EFHD1: variants seen among roughly 807,000 people sequenced by gnomAD.
The protein encoded by EFHD1 is EF-hand domain-containing protein D1.
Under a neutral mutation model 17.2 loss-of-function variants are expected in EFHD1, and 10 were observed. That is an observed-to-expected ratio of 0.58 (90% CI 0.36 to 0.99). The LOEUF (loss-of-function observed/expected upper bound fraction) is 0.99. EFHD1 is among the 50% of genes least tolerant of loss of function. EFHD1 has a pLI of 0.01. For missense variants in EFHD1, 310 were observed against 327.5 expected, an observed-to-expected ratio of 0.95 and a Z score of 0.41; for synonymous variants, 153 against 142.0, an observed-to-expected ratio of 1.08 and a Z score of -0.55.
intron 1 of EFHD1, among the ~76,000 whole-genome samples, chr2:232,636,365 C>T (rs1038094294): frequency 6.6e-6 from 1 of 152,144 alleles, no homozygotes; most frequent in African/African-American, 2.4e-5. Flanking sequence ...CATCAGTTTT[C>T]CCTTCTGTCA....
At chr2:232,660,039 C>T (rs575012783) in intron 1 of EFHD1, among the ~76,000 whole-genome samples, 1 of 152,088 alleles carries the variant, frequency 6.6e-6, no homozygotes, top group Non-Finnish European at 1.5e-5. Context: ...ATGATCCAAC[C>T]GCCTCCCACT....
At chr2:232,627,037 T>TCTCTCTCC (rs1559340007) in intron 1 of EFHD1, among the ~76,000 whole-genome samples, 18 of 104,070 alleles carry the variant, frequency 1.7e-4, no homozygotes, top group Non-Finnish European at 2.1e-4. Context: ...TCTCTCTCTC[T>TCTCTCTCC]ATATATATAT....
intron 1 of EFHD1, among the ~76,000 whole-genome samples, chr2:232,657,184 T>A (rs1488290152): frequency 6.6e-6 from 1 of 152,186 alleles, no homozygotes; most frequent in African/African-American, 2.4e-5. Context: ...GTCTTCACCC[T>A]CCTAAACTGA....
chr2:232,672,382 T>A lies in EFHD1; in HGVS notation c.524T>A (p.Leu175His). The change falls in exon 3 of 4, where the codon CTT becomes CAT. Residue 175 changes from leucine (L) to histidine (H), a missense_variant. Transcript: ENST00000264059. ...AGTGGGCTGATGGCGCTGGCAAAGC[T>A]TTCTGAGATCGATGTGGCCCTGGAG... is the stretch of plus-strand genomic sequence containing the variant. ...EDSGLMALAK[L>H]SEIDVALEGV... 1 of 1,614,086 alleles carries A rather than the reference T, an allele frequency of 6.2e-7. No homozygotes were observed. Among genetic ancestry groups the A allele is most frequent in the Non-Finnish European group, 8.5e-7 (1 of 1,179,974 alleles).
intron 1 of EFHD1, among the ~76,000 whole-genome samples, chr2:232,619,150 T>C (rs1249053578): frequency 1.4e-5 from 2 of 139,876 alleles, no homozygotes; most frequent in African/African-American, 2.7e-5. Context: ...CAAAACTCCA[T>C]CTCAAAATAT....
At chr2:232,618,256 G>T (rs1693961564) in intron 1 of EFHD1, among the ~76,000 whole-genome samples, 1 of 151,964 alleles carries the variant, frequency 6.6e-6, no homozygotes, top group Non-Finnish European at 1.5e-5. Flanking sequence ...CTGACCTCAG[G>T]TGATCCACCT....
intron 2 of EFHD1, among the ~76,000 whole-genome samples, chr2:232,670,885 T>C (rs927313064): frequency 1.3e-5 from 2 of 152,154 alleles, no homozygotes; most frequent in Non-Finnish European, 2.9e-5. Context: ...GCAAACAATC[T>C]AATGCAAAAA....
At chr2:232,674,289 T>C (rs1012724658) in intron 3 of EFHD1, among the ~76,000 whole-genome samples, 3 of 152,208 alleles carry the variant, frequency 2.0e-5, no homozygotes, top group African/African-American at 4.8e-5. Flanking sequence ...AAAACTTCCA[T>C]TATCAGGGAA....
upstream of EFHD1, among the ~76,000 whole-genome samples, chr2:232,630,499 C>A (rs978980799): frequency 1.3e-5 from 2 of 152,154 alleles, no homozygotes; most frequent in African/African-American, 2.4e-5. Context: ...TGGACACAGC[C>A]CTCAATCTTT....
chr2:232,672,319 T>C lies in EFHD1; in HGVS notation c.461T>C (p.Ile154Thr). ...TTCTTTCCCCTGTAGTTCCTGCTCA[T>C]TTTCCACAAGGCCGCGGCAGGGGAG... ...GKLSFREFLL[I>T]FHKAAAGELQ... Residue 154 changes from isoleucine (I) to threonine (T), a missense_variant, in exon 3 of 4, where the codon ATT becomes ACT. Ile to Thr is a moderately conservative substitution (Grantham distance 89). Transcript: ENST00000264059. 1 of 1,614,154 alleles carries C rather than the reference T, an allele frequency of 6.2e-7. No homozygotes were observed. The highest frequency in any genetic ancestry group is 8.5e-7 in the Non-Finnish European group (1 of 1,180,010).
chr2:232,627,135 G>A (rs1694122055), intron 1 of EFHD1, among the ~76,000 whole-genome samples: 1 of 147,684 alleles, frequency 6.8e-6, no homozygotes, highest in Non-Finnish European at 1.5e-5. Flanking sequence ...GGAGGCTGAG[G>A]TAGGAGGATC....
chr2:232,659,698 G>A (rs905033812), intron 1 of EFHD1, among the ~76,000 whole-genome samples: 2 of 152,138 alleles, frequency 1.3e-5, no homozygotes, highest in African/African-American at 2.4e-5. Flanking sequence ...GGTAATGAGT[G>A]GATGAGTCAG....
intron 1 of EFHD1, among the ~76,000 whole-genome samples, chr2:232,639,516 G>A (rs1694384984): frequency 6.6e-6 from 1 of 152,054 alleles, no homozygotes; most frequent in South Asian, 2.1e-4. Context: ...TTTCTTAAAT[G>A]TTGTTGTATA....
chr2:232,616,251 C>A (rs571959364), intron 1 of EFHD1, among the ~76,000 whole-genome samples: 1 of 152,062 alleles, frequency 6.6e-6, no homozygotes, highest in Non-Finnish European at 1.5e-5. Flanking sequence ...GAGACATGCT[C>A]AGTGAAATAA....
chr2:232,667,800 C>T (rs1270675331), intron 2 of EFHD1, among the ~76,000 whole-genome samples: 1 of 152,250 alleles, frequency 6.6e-6, no homozygotes, highest in Non-Finnish European at 1.5e-5. Context: ...TCAGGCGATC[C>T]ACCCGCCTTG....
chr2:232,635,133 G>A (rs930159702), intron 1 of EFHD1, among the ~76,000 whole-genome samples: 2 of 152,182 alleles, frequency 1.3e-5, no homozygotes, highest in African/African-American at 2.4e-5. Flanking sequence ...GCGTTTTCTG[G>A]GTCTAGTTTG....
chr2:232,633,388 C>CG (rs1694240073), upstream of EFHD1: 5 of 1,083,432 alleles, frequency 4.6e-6, no homozygotes, highest in African/African-American at 1.7e-5. Context: ...TGCCTGGTCC[C>CG]GGGGGGACGG....
chr2:232,617,580 G>C (rs1328188946), intron 1 of EFHD1, among the ~76,000 whole-genome samples: 2 of 151,370 alleles, frequency 1.3e-5, no homozygotes, highest in African/African-American at 2.4e-5. Flanking sequence ...CGTGAACCCA[G>C]GAGGCGGAGC....
chr2:232,657,270 G>A (rs1478662140), intron 1 of EFHD1, among the ~76,000 whole-genome samples: 4 of 152,042 alleles, frequency 2.6e-5, no homozygotes, highest in African/African-American at 4.8e-5. Context: ...CTTCTGTCTC[G>A]ATGATTTTGA....
Sources: gnomAD v4.1 joint callset for allele counts (sites outside exome capture counted in the v4.1 genomes callset) on GRCh38, gnomAD v4.1.1 for gene constraint, MANE v1.5 for transcripts, NCBI Gene and HGNC (gene_info 2026-07-23, HGNC 2026-07-21) for gene names.